TYW1: variants seen among roughly 807,000 people sequenced by gnomAD.
The protein encoded by TYW1 is S-adenosyl-L-methionine-dependent tRNA 4-demethylwyosine synthase TYW1.
Under a neutral mutation model 96.2 loss-of-function variants are expected in TYW1, and 46 were observed. That is an observed-to-expected ratio of 0.48 (90% CI 0.38 to 0.61). The LOEUF (loss-of-function observed/expected upper bound fraction) is 0.61, where lower values mean the gene tolerates loss of function less well. Ranked by LOEUF, TYW1 falls within the 20% of genes least tolerant of loss-of-function variation. The pLI, the probability that TYW1 is intolerant of heterozygous loss-of-function variation, is 0.00. For synonymous variants in TYW1, 274 were observed against 323.0 expected (o/e 0.85, Z 1.63); for missense variants, 684 against 909.6 (o/e 0.75, Z 3.19).
chr7:67,067,514 T>C (rs1005963948), intron 10 of TYW1, 111 bp downstream of exon 10: 6 of 1,252,652 alleles, frequency 4.8e-6, no homozygotes, highest in African/African-American at 1.5e-5. Context: ...TGGTGATTAA[T>C]CTTTTCAACT....
At chr7:67,204,428 A>T (rs1800702248) in intron 15 of TYW1, among the ~76,000 whole-genome samples, 2 of 150,350 alleles carry the variant, frequency 1.3e-5, no homozygotes, top group South Asian at 4.2e-4. Flanking sequence ...TTTCCATTTG[A>T]TTATTTTCCT....
chr7:67,211,672 C>A (rs1312527697), intron 15 of TYW1, among the ~76,000 whole-genome samples: 1 of 152,232 alleles, frequency 6.6e-6, no homozygotes, highest in Non-Finnish European at 1.5e-5. Flanking sequence ...CCTCCCCTTG[C>A]TCATCTGTAA....
intron 7 of TYW1, among the ~76,000 whole-genome samples, chr7:67,042,012 A>T (rs1407664073): frequency 1.4e-5 from 2 of 138,566 alleles, no homozygotes; most frequent in African/African-American, 5.4e-5. Flanking sequence ...ATGTATAATT[A>T]TATTAGAATT....
At chr7:67,173,823 TTTATTA>T (rs1584653780) in intron 13 of TYW1, among the ~76,000 whole-genome samples, 1 of 143,174 alleles carries the variant, frequency 7.0e-6, no homozygotes, top group East Asian at 1.9e-4. Flanking sequence ...GCTGAGAGTT[TTTATTA>T]TGAATGGGTG....
chr7:67,228,468 C>T (rs777320616), intron 15 of TYW1, among the ~76,000 whole-genome samples: 3 of 152,166 alleles, frequency 2.0e-5, no homozygotes, highest in Non-Finnish European at 4.4e-5. Context: ...GTGGGAACTA[C>T]AATTCAAGAT....
chr7:67,133,812 C>T (rs1798163834), intron 13 of TYW1, among the ~76,000 whole-genome samples: 1 of 151,372 alleles, frequency 6.6e-6, no homozygotes, highest in African/African-American at 2.4e-5. Flanking sequence ...TCTCCGTTGG[C>T]TGTTTGCCTT....
At chr7:67,039,534 C>G (rs1215813553) in intron 7 of TYW1, among the ~76,000 whole-genome samples, 2 of 152,152 alleles carry the variant, frequency 1.3e-5, no homozygotes, top group East Asian at 1.9e-4. Context: ...ACTTGGTGAT[C>G]TAAAGGTACA....
At chr7:67,221,712 C>T (rs1584714110) in intron 15 of TYW1, among the ~76,000 whole-genome samples, 1 of 152,262 alleles carries the variant, frequency 6.6e-6, no homozygotes, top group Middle Eastern at 3.4e-3. Flanking sequence ...AGTTTTAATA[C>T]TCTAATTTTA....
intron 12 of TYW1, among the ~76,000 whole-genome samples, chr7:67,107,634 A>G (rs752458265): frequency 1.3e-5 from 2 of 152,222 alleles, no homozygotes; most frequent in Non-Finnish European, 2.9e-5. Flanking sequence ...GAGATAAGAC[A>G]TGAAACATGG....
chr7:67,009,685 G>C lies in TYW1; in HGVS notation c.375+1G>C. The C allele has an allele frequency of 1.9e-6, 3 of 1,588,558 alleles. No homozygotes were observed. The highest frequency in any genetic ancestry group is 2.6e-6 in the Non-Finnish European group (3 of 1,170,662). ...TCCAGATGATCATCTGATAGAAGAGGTTGGTAATTGTCTTTTTCTTCAGTC... is the reference window on the plus strand; with the variant it reads ...TCCAGATGATCATCTGATAGAAGAGCTTGGTAATTGTCTTTTTCTTCAGTC... On this transcript the variant is annotated splice_donor_variant, in intron 4 of 15. Transcript: ENST00000359626. LOFTEE classifies it high-confidence loss of function.
intron 13 of TYW1, among the ~76,000 whole-genome samples, chr7:67,138,157 GT>G (rs1298277181): frequency 9.2e-5 from 14 of 152,274 alleles, no homozygotes; most frequent in Admixed American, 2.6e-4. Flanking sequence ...CCTAGGCAGT[GT>G]CCTAGCAAGC....
intron 12 of TYW1, among the ~76,000 whole-genome samples, chr7:67,107,270 T>G (rs1035822402): frequency 2.6e-5 from 4 of 152,228 alleles, no homozygotes; most frequent in African/African-American, 9.6e-5. Context: ...CGCCTGAGTC[T>G]TTCAATAGAA....
At chr7:67,040,720 C>G (rs1198894063) in intron 7 of TYW1, among the ~76,000 whole-genome samples, 2 of 151,866 alleles carry the variant, frequency 1.3e-5, no homozygotes, top group Admixed American at 6.6e-5. Context: ...TGGTGCGTGC[C>G]TATAATCCCA....
intron 10 of TYW1, among the ~76,000 whole-genome samples, chr7:67,078,266 T>C (rs1299182928): frequency 6.6e-6 from 1 of 151,796 alleles, no homozygotes; most frequent in Non-Finnish European, 1.5e-5. Context: ...TGGCTAATTT[T>C]TTGTATTTTT....
At chr7:67,056,232 C>G (rs1183262604) in intron 9 of TYW1, among the ~76,000 whole-genome samples, 4 of 152,178 alleles carry the variant, frequency 2.6e-5, no homozygotes, top group Non-Finnish European at 1.5e-5. Flanking sequence ...GTGGCTCACG[C>G]CTGTAATCCT....
At chr7:67,205,385 G>GC (rs974120272) in intron 15 of TYW1, among the ~76,000 whole-genome samples, 1 of 147,848 alleles carries the variant, frequency 6.8e-6, no homozygotes, top group African/African-American at 2.5e-5. Context: ...TAGGATGGAG[G>GC]CGGGGGGGGG....
intron 7 of TYW1, among the ~76,000 whole-genome samples, chr7:67,035,639 G>T (rs1669099698): frequency 6.6e-6 from 1 of 152,034 alleles, no homozygotes; most frequent in African/African-American, 2.4e-5. Flanking sequence ...TCAGCTAAGG[G>T]AAGACATGCA....
At chr7:67,145,350 C>T (rs532039259) in intron 13 of TYW1, among the ~76,000 whole-genome samples, 79 of 151,874 alleles carry the variant, frequency 5.2e-4, no homozygotes, top group African/African-American at 1.6e-3. Context: ...GGGGTTTCAC[C>T]GTGTTAGCCA....
At chr7:67,192,798 A>G (rs1800262459) in intron 14 of TYW1, among the ~76,000 whole-genome samples, 1 of 152,218 alleles carries the variant, frequency 6.6e-6, no homozygotes, top group Non-Finnish European at 1.5e-5. Flanking sequence ...GTCGACTAAT[A>G]AAGAGACACT....
Sources: allele counts gnomAD v4.1 joint callset (sites outside exome capture counted in the v4.1 genomes callset), GRCh38; gene constraint gnomAD v4.1.1; transcripts MANE v1.5; gene names NCBI Gene and HGNC (gene_info 2026-07-23, HGNC 2026-07-21).